Variants in CPZ observed in about 807,000 individuals in gnomAD.
CPZ encodes the protein VEZT/CPZ fusion.
In CPZ, 103 loss-of-function variants were observed where a neutral mutation model predicts 61.8. The ratio of observed to expected loss-of-function variants is 1.67; its 90% CI spans 1.42 to 1.96. The LOEUF is 1.96. Ranked by LOEUF, CPZ falls within the 30% of genes most tolerant of loss-of-function variation. CPZ has a pLI of 0.00. For missense variants in CPZ, 1,461 were observed against 914.9 expected (o/e 1.60, Z -7.70); for synonymous variants, 551 against 373.7 (o/e 1.47, Z -5.47).
chr4:8,612,102 G>C lies in CPZ; in HGVS notation c.1303G>C (p.Gly435Arg). Residue 435 changes from glycine to arginine, a missense_variant, in exon 8 of 11, where the codon GGC becomes CGC. By Grantham distance (125) the Gly-to-Arg change is moderately radical. Transcript: ENST00000360986. The part of the protein sequence containing the change: ...MMDRSENRCG[G>R]NFLKRGSIIN... ...GGACAGGTCGGAGAATAGGTGTGGAGGCAATTTCCTGAAGAGGGGGAGCAT... is the reference window on the plus strand; with the variant it reads ...GGACAGGTCGGAGAATAGGTGTGGACGCAATTTCCTGAAGAGGGGGAGCAT... 6.2e-7 allele frequency: 1 copy of C among 1,612,652 alleles called. No homozygotes were observed. Among genetic ancestry groups the C allele is most frequent in the Admixed American group, 1.7e-5 (1 of 59,892 alleles).
chr4:8,595,789 G>T (rs114943442), intron 1 of CPZ, among the ~76,000 whole-genome samples: 69 of 152,322 alleles, frequency 4.5e-4, no homozygotes, highest in African/African-American at 1.6e-3. Flanking sequence ...TTCAGATGAG[G>T]CCTCACGGGA....
chr4:8,618,400 T>G lies in CPZ; in HGVS notation c.1504-29T>G, dbSNP rs201158431. The G allele has an allele frequency of 5.6e-6, 9 of 1,609,150 alleles. No individual in the cohort carries two copies. The South Asian group carries it at 9.9e-5, about 18-fold the overall frequency. ...ACGCTCAGCAGGAGAGCTCACGCCA[T>G]CTCCCTGGCCTCCCCTTGGTCTCTT... On this transcript the variant is annotated intron_variant, in intron 9 of 10. Transcript: ENST00000360986.
rs530018303 is a variant in CPZ, at chr4:8,614,428, TCC to T, written c.1439_1440del (p.Pro480ArgfsTer33). The T allele has an allele frequency of 1.2e-6, 2 of 1,613,292 alleles. No homozygotes were observed. Among genetic ancestry groups the T allele is most frequent in the Admixed American group, 3.3e-5 (2 of 59,962 alleles). On this transcript the variant is annotated frameshift_variant, in exon 9 of 11. Coordinates refer to ENST00000360986, the MANE Select transcript of CPZ (RefSeq NM_001014447.3). LOFTEE classifies it high-confidence loss of function. ...ACGGTAGAGCTGGGCTGTGTGAAGT[TCC>T]CCCCCGAGGAGGCCCTGTACATACT...
Position 8,607,265 on chromosome 4 carries a change from A to G in CPZ, c.1069-2A>G. ...GAGGGCGGCCTCGTCTGTCCTGGGC[A>G]GGTGGCCCCGGAGACAAAGGCAATC... On this transcript the variant is annotated splice_acceptor_variant, in intron 6 of 10. Coordinates refer to ENST00000360986, the MANE Select transcript of CPZ (RefSeq NM_001014447.3). LOFTEE classifies it high-confidence loss of function. The G allele has an allele frequency of 6.2e-7, 1 of 1,613,960 alleles. No homozygotes were observed. The highest frequency in any genetic ancestry group is 8.5e-7 in the Non-Finnish European group (1 of 1,179,894).
In CPZ at chr4:8,607,389, G is replaced by A. The variant is rs542487579; in HGVS notation, c.1191G>A (p.Gln397=). ...SYPFDFSKHP[Q]EEKMFSPTPD... is the part of the protein sequence containing the mutation. ...CCTTCGACTTCTCCAAGCACCCCCAGGAGGAGAAGATGTTTTCTCCCACGC... is the reference window on the plus strand; with the variant it reads ...CCTTCGACTTCTCCAAGCACCCCCAAGAGGAGAAGATGTTTTCTCCCACGC... Residue 397 remains glutamine (Q), a synonymous_variant, in exon 7 of 11, where the codon CAG becomes CAA. Coordinates refer to ENST00000360986, the MANE Select transcript of CPZ (RefSeq NM_001014447.3). 2.5e-5 allele frequency: 40 copies of A among 1,613,760 alleles called. No individual in the cohort carries two copies. In the South Asian group the frequency reaches 4.3e-4, roughly 17 times the overall value.
At chr4:8,608,328 G>T (rs529322937) in intron 7 of CPZ, among the ~76,000 whole-genome samples, 6 of 152,286 alleles carry the variant, frequency 3.9e-5, no homozygotes, top group Admixed American at 3.9e-4. Flanking sequence ...TTCCCTTGGT[G>T]TTTGGGGGAA....
At chr4:8,593,771 A>G (rs1713969847) in intron 1 of CPZ, among the ~76,000 whole-genome samples, 1 of 152,094 alleles carries the variant, frequency 6.6e-6, no homozygotes, top group African/African-American at 2.4e-5. Context: ...CAGGACCACA[A>G]TACCCCACCC....
intron 7 of CPZ, chr4:8,611,117 C>A (rs1450717224): frequency 4.7e-6 from 2 of 423,242 alleles, no homozygotes; most frequent in Admixed American, 2.4e-5. Flanking sequence ...CTCACTGGGC[C>A]CTGCCTGTCC....
chr4:8,608,934 A>T (rs1261397224), intron 7 of CPZ, among the ~76,000 whole-genome samples: 2 of 152,002 alleles, frequency 1.3e-5, no homozygotes, highest in Admixed American at 6.6e-5. Flanking sequence ...GGGCAGTGAC[A>T]GCAACACCTG....
In CPZ at chr4:8,606,845, C is replaced by T. The variant is rs200376379; in HGVS notation, c.1015C>T (p.Arg339Cys). ...TSEYYRLAET[R>C]GARSDHIPIP... is the part of the protein sequence containing the mutation. ...CGAGTACTACCGGCTGGCGGAGACC[C>T]GCGGCGCACGCAGCGACCACATCCC... The change falls in exon 6 of 11, where the codon CGC becomes TGC. Residue 339 changes from arginine to cysteine, a missense_variant. By Grantham distance (180) the Arg-to-Cys change is radical (BLOSUM62 -3). Coordinates refer to ENST00000360986, the MANE Select transcript of CPZ (RefSeq NM_001014447.3). 5.8e-5 allele frequency: 94 copies of T among 1,613,416 alleles called. No individual in the cohort carries two copies. The highest frequency in any genetic ancestry group is 1.2e-4 in the South Asian group (11 of 91,078).
intron 9 of CPZ, 88 bp downstream of exon 9, chr4:8,614,586 C>T: frequency 1.4e-6 from 2 of 1,389,260 alleles, no homozygotes; most frequent in Non-Finnish European, 9.9e-7. Context: ...CCCCCGTAGC[C>T]TCACTGCCCC....
At chr4:8,595,636 G>A (rs982311333) in intron 1 of CPZ, among the ~76,000 whole-genome samples, 4 of 152,264 alleles carry the variant, frequency 2.6e-5, no homozygotes, top group African/African-American at 4.8e-5. Flanking sequence ...TGACTCTCTT[G>A]TGGCCACAGC....
chr4:8,618,383 C>T (rs1716383582), intron 9 of CPZ, 46 bp from the exon 10 acceptor site: 2 of 1,579,812 alleles, frequency 1.3e-6, no homozygotes, highest in Non-Finnish European at 1.7e-6. Flanking sequence ...CCACGCTCAG[C>T]AGGAGAGCTC....
chr4:8,594,260 G>A (rs778710280), intron 1 of CPZ, among the ~76,000 whole-genome samples: 2 of 152,182 alleles, frequency 1.3e-5, no homozygotes, highest in East Asian at 3.9e-4. Context: ...CAGCCCACAG[G>A]CAGAAGTGGG....
intron 3 of CPZ, 148 bp from the exon 4 acceptor site, chr4:8,603,828 C>A: frequency 1.4e-6 from 1 of 698,770 alleles, no homozygotes; most frequent in Non-Finnish European, 2.5e-6. Flanking sequence ...GTAGGCACTG[C>A]AGAGGGAACT....
chr4:8,609,794 G>A (rs1715496700), intron 7 of CPZ, among the ~76,000 whole-genome samples: 2 of 152,228 alleles, frequency 1.3e-5, no homozygotes, highest in African/African-American at 2.4e-5. Flanking sequence ...CAATCATCGG[G>A]CAGTGATCAT....
intron 6 of CPZ, 108 bp from the exon 7 acceptor site, chr4:8,607,159 G>A (rs768321224): frequency 1.4e-4 from 187 of 1,347,380 alleles, no homozygotes; most frequent in Admixed American, 3.6e-4. Flanking sequence ...TGTAGAGACC[G>A]TTAATAGTCT....
At chr4:8,611,001 C>T (rs1228756281) in intron 7 of CPZ, among the ~76,000 whole-genome samples, 25 of 89,064 alleles carry the variant, frequency 2.8e-4, no homozygotes. Context: ...CTCTTTCACT[C>T]ATTCACTCAC....
At chr4:8,605,203 A>G (rs1368855238) in intron 4 of CPZ, among the ~76,000 whole-genome samples, 1 of 152,198 alleles carries the variant, frequency 6.6e-6, no homozygotes. Context: ...GGAGGGAGAC[A>G]TCATTTTCCA....
Sources: allele counts gnomAD v4.1 joint callset (sites outside exome capture counted in the v4.1 genomes callset), GRCh38; gene constraint gnomAD v4.1.1; transcripts MANE v1.5; gene names NCBI Gene and HGNC (gene_info 2026-07-23, HGNC 2026-07-21).